TNFSF4: variants seen among roughly 807,000 people sequenced by gnomAD.
TNFSF4 encodes tumor necrosis factor ligand superfamily member 4.
In TNFSF4, 4 loss-of-function variants were observed where a neutral mutation model predicts 7.3. The ratio of observed to expected loss-of-function variants is 0.55; its 90% CI spans 0.27 to 1.25. The LOEUF is 1.25. Ranked by LOEUF, TNFSF4 falls within the 50% of genes most tolerant of loss-of-function variation. The pLI is 0.12. For synonymous variants in TNFSF4, 76 were observed against 83.7 expected (o/e 0.91, Z 0.50); for missense variants, 181 against 208.8 (o/e 0.87, Z 0.82).
downstream of TNFSF4, among the ~76,000 whole-genome samples, chr1:173,179,617 C>T (rs1372920291): frequency 1.3e-5 from 2 of 152,186 alleles, no homozygotes; most frequent in Non-Finnish European, 2.9e-5. Flanking sequence ...TAGCTCTCTC[C>T]TGCAAATAAG....
At chr1:173,368,352 G>A in the TNFSF4 span, among the ~76,000 whole-genome samples, 33 of 152,272 alleles carry the variant, frequency 2.2e-4, no homozygotes, top group African/African-American at 6.3e-4. Flanking sequence ...TGAAGTCAGC[G>A]AGACCACAAA....
the TNFSF4 span, among the ~76,000 whole-genome samples, chr1:173,300,160 G>C: frequency 2.4e-4 from 35 of 146,908 alleles, no homozygotes; most frequent in East Asian, 1.0e-3. Context: ...ATGATTGATA[G>C]ATACATACAT....
the TNFSF4 span, among the ~76,000 whole-genome samples, chr1:173,370,830 C>A: frequency 0.087 from 13,182 of 152,224 alleles, 731 homozygotes; most frequent in Non-Finnish European, 0.13. Context: ...GACAAACAAA[C>A]CTTGGTGGTT....
the TNFSF4 span, among the ~76,000 whole-genome samples, chr1:173,222,643 G>A: frequency 6.6e-6 from 1 of 152,134 alleles, no homozygotes; most frequent in Non-Finnish European, 1.5e-5. Context: ...TTGTGATATG[G>A]TCTCTCCTCT....
intron 1 of TNFSF4, among the ~76,000 whole-genome samples, chr1:173,191,149 C>A (rs984338430): frequency 1.3e-5 from 2 of 152,044 alleles, no homozygotes; most frequent in African/African-American, 4.8e-5. Flanking sequence ...TTTGAGGTGC[C>A]CTGATGAAGT....
chr1:173,334,698 G>GAGTC, the TNFSF4 span, among the ~76,000 whole-genome samples: 3 of 152,168 alleles, frequency 2.0e-5, no homozygotes, highest in Non-Finnish European at 4.4e-5. Flanking sequence ...CTAAACTGAT[G>GAGTC]AGTCTTCTTT....
the TNFSF4 span, among the ~76,000 whole-genome samples, chr1:173,352,182 G>A: frequency 6.6e-6 from 1 of 152,130 alleles, no homozygotes; most frequent in Non-Finnish European, 1.5e-5. Context: ...ACATCCACGG[G>A]GATGCAGCCC....
chr1:173,427,077 T>C, the TNFSF4 span, among the ~76,000 whole-genome samples: 1 of 152,198 alleles, frequency 6.6e-6, no homozygotes. Context: ...TGTATGATAA[T>C]AAATTTGTAT....
chr1:173,396,345 A>G, the TNFSF4 span, among the ~76,000 whole-genome samples: 6 of 152,116 alleles, frequency 3.9e-5, no homozygotes, highest in African/African-American at 1.2e-4. Context: ...CCCCATCTCT[A>G]TGAAAAATTT....
the TNFSF4 span, among the ~76,000 whole-genome samples, chr1:173,313,489 T>C: frequency 6.6e-6 from 1 of 152,092 alleles, no homozygotes; most frequent in African/African-American, 2.4e-5. Context: ...CAGTAATATA[T>C]TTAATTATAA....
intron 1 of TNFSF4, among the ~76,000 whole-genome samples, chr1:173,202,090 T>C (rs1649971495): frequency 7.0e-6 from 1 of 142,240 alleles, no homozygotes; most frequent in Admixed American, 7.3e-5. Context: ...CATACACATA[T>C]ATATAAAAGA....
chr1:173,222,163 T>C, the TNFSF4 span, among the ~76,000 whole-genome samples: 2 of 152,008 alleles, frequency 1.3e-5, no homozygotes, highest in Admixed American at 1.3e-4. Context: ...GTGGTCCTTG[T>C]CTTACTTCTT....
the TNFSF4 span, among the ~76,000 whole-genome samples, chr1:173,329,531 T>C: frequency 2.6e-5 from 4 of 152,034 alleles, no homozygotes; most frequent in African/African-American, 4.8e-5. Context: ...TGCGGCTATA[T>C]AAAATACCAA....
the TNFSF4 span, among the ~76,000 whole-genome samples, chr1:173,213,185 G>A: frequency 6.6e-6 from 1 of 152,186 alleles, no homozygotes; most frequent in Non-Finnish European, 1.5e-5. Flanking sequence ...AAATACAAAT[G>A]TGAACTCCTG....
chr1:173,445,892 G>A, the TNFSF4 span, among the ~76,000 whole-genome samples: 10 of 152,144 alleles, frequency 6.6e-5, no homozygotes, highest in Non-Finnish European at 1.0e-4. Context: ...TAGAGGTTCC[G>A]AAAACTGAGA....
the TNFSF4 span, among the ~76,000 whole-genome samples, chr1:173,422,467 G>C: frequency 6.6e-6 from 1 of 152,056 alleles, no homozygotes; most frequent in Non-Finnish European, 1.5e-5. Context: ...TTGTAGTATG[G>C]TGTGATAACT....
At chr1:173,204,736 A>C (rs558238468) in intron 1 of TNFSF4, among the ~76,000 whole-genome samples, 143 of 151,926 alleles carry the variant, frequency 9.4e-4, no homozygotes, top group African/African-American at 3.3e-3. Context: ...ATCACTACCA[A>C]CACCACCACC....
chr1:173,339,076 T>G, the TNFSF4 span, among the ~76,000 whole-genome samples: 1 of 152,148 alleles, frequency 6.6e-6, no homozygotes, highest in East Asian at 1.9e-4. Flanking sequence ...GAATGACAGT[T>G]TGGATCATCT....
At chr1:173,374,146 A>G in the TNFSF4 span, among the ~76,000 whole-genome samples, 1 of 152,152 alleles carries the variant, frequency 6.6e-6, no homozygotes, top group Non-Finnish European at 1.5e-5. Flanking sequence ...AGTCAATATG[A>G]TATGCTATAT....
Sources: gnomAD v4.1 joint callset for allele counts (sites outside exome capture counted in the v4.1 genomes callset) on GRCh38, gnomAD v4.1.1 for gene constraint, MANE v1.5 for transcripts, NCBI Gene and HGNC (gene_info 2026-07-23, HGNC 2026-07-21) for gene names.